Variants in CNOT1 observed in about 807,000 individuals in gnomAD.
CNOT1 encodes CCR4-NOT transcription complex subunit 1, also known as CCR4-associated factor 1.
In CNOT1, 15 loss-of-function variants were observed where a neutral mutation model predicts 273.8. The observed-to-expected ratio is 0.05, with a 90% CI of 0.04 to 0.08. The LOEUF (loss-of-function observed/expected upper bound fraction) is 0.08. Among genes scored for constraint, CNOT1 ranks in the 10% least tolerant of loss-of-function variants. CNOT1 has a pLI of 1.00. For missense variants in CNOT1, 1,644 were observed against 2,912.2 expected (o/e 0.56, Z 10.02); for synonymous variants, 1,022 against 1,005.5 (o/e 1.02, Z -0.31).
intron 10 of CNOT1, among the ~76,000 whole-genome samples, 196 bp from the exon 11 acceptor site, chr16:58,581,711 C>A (rs888047011): frequency 6.6e-6 from 1 of 151,812 alleles, no homozygotes; most frequent in Non-Finnish European, 1.5e-5. Context: ...GCTCAGGCTG[C>A]AGTGCAGTGG....
Position 58,530,261 on chromosome 16 carries a change from C to A in CNOT1, c.6264G>T (p.Met2088Ile). Residue 2088 changes from methionine to isoleucine, a missense_variant, in exon 43 of 49, where the codon ATG (methionine) becomes ATT (isoleucine). By Grantham distance (10) the Met-to-Ile change is conservative. Coordinates refer to ENST00000317147, the MANE Select transcript of CNOT1 (RefSeq NM_016284.5). Reference sequence around the variant, plus strand: ...AGTTAATTACCTTGTAGAGGATTTGCATAGGTTTGGTGAGTTCCACATTTC... The same window carrying A: ...AGTTAATTACCTTGTAGAGGATTTGAATAGGTTTGGTGAGTTCCACATTTC... Reference protein sequence around the residue: ...FLRNVELTKPMQILYKGTLRV... With the variant: ...FLRNVELTKPIQILYKGTLRV... The A allele has an allele frequency of 6.2e-7, 1 of 1,605,722 alleles. No homozygotes were observed. The highest frequency in any genetic ancestry group is 8.5e-7 in the Non-Finnish European group (1 of 1,174,430).
chr16:58,629,042 G>A (rs1038794203), intron 1 of CNOT1, among the ~76,000 whole-genome samples: 10 of 152,386 alleles, frequency 6.6e-5, no homozygotes, highest in Non-Finnish European at 1.3e-4. Flanking sequence ...GGACCGAGTA[G>A]GTGGGGGCCA....
intron 18 of CNOT1, among the ~76,000 whole-genome samples, chr16:58,558,065 G>A (rs1054661140): frequency 7.2e-5 from 11 of 152,226 alleles, no homozygotes; most frequent in African/African-American, 2.4e-4. Flanking sequence ...TTCAAGGTTG[G>A]TGAAATGCAA....
intron 1 of CNOT1, among the ~76,000 whole-genome samples, chr16:58,612,659 A>C (rs2042940946): frequency 6.6e-6 from 1 of 152,138 alleles, no homozygotes. Flanking sequence ...GAATAGCTTG[A>C]ACCCAGGAGG....
chr16:58,574,299 C>A (rs1220265633), intron 16 of CNOT1, among the ~76,000 whole-genome samples: 2 of 151,730 alleles, frequency 1.3e-5, no homozygotes, highest in Non-Finnish European at 2.9e-5. Context: ...CACAAACTAA[C>A]CCATGCACTA....
chr16:58,579,762 A>G lies in CNOT1; in HGVS notation c.1344-823T>C, dbSNP rs549477629. 2.6e-5 allele frequency among the ~76,000 whole-genome samples: 4 copies of G among 152,330 alleles called. No individual in the cohort carries two copies. The East Asian group carries it at 5.8e-4, about 22-fold the overall frequency. ...AGCCCTGCGTACTTCAAAAATGATC[A>G]AAGTACTTGTACCATTCTTTCTTCA... is the stretch of plus-strand genomic sequence containing the variant. On this transcript the variant is annotated intron_variant, in intron 12 of 48. Coordinates refer to ENST00000317147, the MANE Select transcript of CNOT1 (RefSeq NM_016284.5).
chr16:58,535,446 A>G (rs918995640), intron 39 of CNOT1, among the ~76,000 whole-genome samples: 4 of 152,344 alleles, frequency 2.6e-5, no homozygotes, highest in Non-Finnish European at 4.4e-5. Flanking sequence ...ACAGCACAGA[A>G]AAGTATAATA....
intron 16 of CNOT1, among the ~76,000 whole-genome samples, chr16:58,566,099 T>C (rs2041032470): frequency 6.6e-6 from 1 of 152,250 alleles, no homozygotes; most frequent in Non-Finnish European, 1.5e-5. Flanking sequence ...AGGTTTCAGA[T>C]GGTGATCACT....
At position 58,542,469 on chromosome 16, in the gene CNOT1, C is replaced by T; in HGVS notation, c.4534G>A (p.Val1512Ile). 1.2e-6 allele frequency: 2 copies of T among 1,613,854 alleles called. No individual in the cohort carries two copies. Among genetic ancestry groups the T allele is most frequent in the Non-Finnish European group, 1.7e-6 (2 of 1,180,016 alleles). Reference protein sequence around the residue: ...LACCFIQKTAVEKAGPEMDKR... With the variant: ...LACCFIQKTAIEKAGPEMDKR... ...TCCATCTCAGGGCCTGCTTTTTCTACTGCAGTCTTCTGAATAAAACAGCAA... is the reference window on the plus strand; with the variant it reads ...TCCATCTCAGGGCCTGCTTTTTCTATTGCAGTCTTCTGAATAAAACAGCAA... The change falls in exon 32 of 49, where the codon GTA becomes ATA. Residue 1512 changes from valine (V) to isoleucine (I), a missense_variant. By Grantham distance (29) the Val-to-Ile change is conservative (BLOSUM62 3). Transcript: ENST00000317147.
chr16:58,525,436 T>C, intron 45 of CNOT1, 77 bp from the exon 46 acceptor site: 1 of 1,233,416 alleles, frequency 8.1e-7, no homozygotes, highest in Non-Finnish European at 1.1e-6. Context: ...TTCTAAACCC[T>C]TCTTACACCT....
chr16:58,607,374 T>C (rs2042716488), intron 1 of CNOT1, among the ~76,000 whole-genome samples: 1 of 152,134 alleles, frequency 6.6e-6, no homozygotes. Flanking sequence ...TGTTTGTATA[T>C]ATGCTCACAT....
intron 35 of CNOT1, 146 bp downstream of exon 35, chr16:58,539,622 T>TG (rs2040026062): frequency 5.9e-6 from 4 of 682,034 alleles, no homozygotes; most frequent in Non-Finnish European, 4.2e-6. Flanking sequence ...CATTCTACGT[T>TG]GGAAAAAAAA....
intron 16 of CNOT1, among the ~76,000 whole-genome samples, chr16:58,574,344 G>A (rs1285193523): frequency 6.6e-6 from 1 of 151,446 alleles, no homozygotes; most frequent in Non-Finnish European, 1.5e-5. Context: ...AATTCAAAAG[G>A]CAAAGTAGTG....
chr16:58,545,555 C>T, intron 29 of CNOT1, 64 bp from the exon 30 acceptor site: 1 of 1,599,424 alleles, frequency 6.3e-7, no homozygotes, highest in Non-Finnish European at 8.5e-7. Flanking sequence ...ATAAAATTAG[C>T]TTAATATCAT....
chr16:58,621,254 C>T (rs1162495855), intron 1 of CNOT1, among the ~76,000 whole-genome samples: 1 of 151,990 alleles, frequency 6.6e-6, no homozygotes. Context: ...TGAGCCACTG[C>T]GCTGGCCCAG....
chr16:58,601,605 T>A (rs1037225216), intron 1 of CNOT1, among the ~76,000 whole-genome samples: 5 of 152,076 alleles, frequency 3.3e-5, no homozygotes, highest in African/African-American at 1.2e-4. Context: ...TAACAGTTTC[T>A]TAATGTATAA....
chr16:58,611,003 C>T (rs979511374), intron 1 of CNOT1, among the ~76,000 whole-genome samples: 1 of 152,056 alleles, frequency 6.6e-6, no homozygotes, highest in African/African-American at 2.4e-5. Context: ...CACCACTGCG[C>T]TCCAGCCTGG....
chr16:58,604,828 T>TA lies in CNOT1; in HGVS notation c.-174-5318dup, dbSNP rs148121702. Among the ~76,000 whole-genome samples, 793 of 116,904 alleles carry TA rather than the reference T, an allele frequency of 6.8e-3. 5 individuals carry two copies. Among genetic ancestry groups the TA allele is most frequent in the Non-Finnish European group, 9.4e-3 (555 of 59,212 alleles). The allele number at this position is 116,904 out of a possible 152,430, so 76.7% of individuals were successfully genotyped here. On this transcript the variant is annotated intron_variant, in intron 1 of 48. Coordinates refer to ENST00000317147, the MANE Select transcript of CNOT1 (RefSeq NM_016284.5). ...AAAAAACAAAAAACAAAAAAAAAAT[T>TA]AAAAAAAAAAAAAAAAACCACACCA... is the stretch of plus-strand genomic sequence containing the variant.
chr16:58,524,851 AT>A (rs2039532105), intron 46 of CNOT1, among the ~76,000 whole-genome samples: 1 of 152,224 alleles, frequency 6.6e-6, no homozygotes, highest in African/African-American at 2.4e-5. Context: ...AAAAATGCTT[AT>A]ATAAGGCAGC....
Sources: allele counts gnomAD v4.1 joint callset (sites outside exome capture counted in the v4.1 genomes callset), GRCh38; gene constraint gnomAD v4.1.1; transcripts MANE v1.5; gene names NCBI Gene and HGNC (gene_info 2026-07-23, HGNC 2026-07-21).